PTPRQ: variants seen among roughly 807,000 people sequenced by gnomAD.
PTPRQ encodes phosphatidylinositol phosphatase PTPRQ.
Under a neutral mutation model 246.0 loss-of-function variants are expected in PTPRQ, and 199 were observed. The ratio of observed to expected loss-of-function variants is 0.81; its 90% CI spans 0.72 to 0.91. The LOEUF is 0.91. PTPRQ is among the 40% of genes least tolerant of loss of function. The probability of loss-of-function intolerance (pLI) is 0.00; values close to 1 mark genes in which losing one functional copy is unlikely to be tolerated. For synonymous variants in PTPRQ, 869 were observed against 853.2 expected (o/e 1.02, Z -0.32); for missense variants, 2,624 against 2,528.4 (o/e 1.04, Z -0.81).
intron 17 of PTPRQ, among the ~76,000 whole-genome samples, chr12:80,523,828 G>T (rs1895591991): frequency 6.6e-6 from 1 of 152,190 alleles, no homozygotes; most frequent in Admixed American, 6.5e-5. Context: ...GTGCTGAAAA[G>T]AATGCATATT....
At chr12:80,527,949 G>A (rs1403273681) in intron 17 of PTPRQ, among the ~76,000 whole-genome samples, 1 of 152,054 alleles carries the variant, frequency 6.6e-6, no homozygotes, top group African/African-American at 2.4e-5. Flanking sequence ...AACAGGTATG[G>A]TAACATATGC....
At chr12:80,510,775 G>A (rs951999916) in intron 17 of PTPRQ, among the ~76,000 whole-genome samples, 4 of 152,072 alleles carry the variant, frequency 2.6e-5, no homozygotes, top group Non-Finnish European at 5.9e-5. Context: ...GTACTCTCAT[G>A]TCATTGTCTT....
At chr12:80,512,869 C>G (rs1311290763) in intron 17 of PTPRQ, 1 of 152,050 alleles carries the variant, frequency 6.6e-6, no homozygotes, top group Non-Finnish European at 1.5e-5. Context: ...GAGGGAATCT[C>G]AAATCCGTGA....
At chr12:80,618,360 T>TCACACACACACACA (rs3071377) in intron 30 of PTPRQ, among the ~76,000 whole-genome samples, 34 of 125,640 alleles carry the variant, frequency 2.7e-4, no homozygotes, top group Admixed American at 2.1e-3. Context: ...AGCACTACAT[T>TCACACACACACACA]CACACACACA....
At chr12:80,471,349 A>G (rs940257078) in intron 7 of PTPRQ, among the ~76,000 whole-genome samples, 70 of 152,168 alleles carry the variant, frequency 4.6e-4, no homozygotes, top group African/African-American at 1.4e-3. Flanking sequence ...AGGTAAAGGA[A>G]ACATTTAAAG....
intron 14 of PTPRQ, among the ~76,000 whole-genome samples, 189 bp from the exon 15 acceptor site, chr12:80,505,835 G>A (rs1894938978): frequency 6.6e-6 from 1 of 151,824 alleles, no homozygotes; most frequent in African/African-American, 2.4e-5. Context: ...TCTTTTGAAT[G>A]AAAATTTTTC....
intron 8 of PTPRQ, among the ~76,000 whole-genome samples, chr12:80,481,340 A>T (rs1894047223): frequency 6.6e-6 from 1 of 152,042 alleles, no homozygotes; most frequent in South Asian, 2.1e-4. Flanking sequence ...CATGCTAAAA[A>T]CTCTCAATAA....
At chr12:80,599,885 A>C (rs1396473292) in intron 26 of PTPRQ, among the ~76,000 whole-genome samples, 1 of 151,030 alleles carries the variant, frequency 6.6e-6, no homozygotes, top group African/African-American at 2.4e-5. Context: ...CAGTTATATA[A>C]GTTTACTTTT....
At chr12:80,468,568 CTTTT>C (rs1165819265) in intron 6 of PTPRQ, 138 bp from the exon 7 acceptor site, 2 of 797,304 alleles carry the variant, frequency 2.5e-6, no homozygotes, top group Non-Finnish European at 3.6e-6. Context: ...TCCATTTATT[CTTTT>C]TTAAGATAAA....
Position 80,622,075 on chromosome 12 carries a change from C to A in PTPRQ, c.5627C>A (p.Ala1876Asp). The A allele has an allele frequency of 7.0e-7, 1 of 1,426,026 alleles. No homozygotes were observed. Among genetic ancestry groups the A allele is most frequent in the Non-Finnish European group, 9.2e-7 (1 of 1,081,118 alleles). 88.3% of individuals were successfully genotyped at this position (1,426,026 alleles called of 1,614,324 possible). ...TTATTTTATAGATTTAAATTTAGAG[C>A]TACAAATATTATGGGACAATTTACT... ...PKKQYLFKFR[A>D]TNIMGQFTDS... The change falls in exon 33 of 45, where the codon GCT becomes GAT. Residue 1876 changes from alanine (A) to aspartate (D), a missense_variant. Ala to Asp is a moderately radical substitution (Grantham distance 126). Coordinates refer to ENST00000644991, the MANE Select transcript of PTPRQ (RefSeq NM_001145026.2).
intron 28 of PTPRQ, among the ~76,000 whole-genome samples, chr12:80,612,904 G>A (rs564184760): frequency 6.6e-6 from 1 of 150,630 alleles, no homozygotes; most frequent in African/African-American, 2.4e-5. Context: ...CAAGGCCATT[G>A]TGCTATTGTC....
chr12:80,446,729 TC>T (rs112211776), intron 3 of PTPRQ, among the ~76,000 whole-genome samples: 8,132 of 152,136 alleles, frequency 0.053, 285 homozygotes, highest in Middle Eastern at 0.088. Flanking sequence ...GTTCTCCAGC[TC>T]CATCCATGTT....
intron 6 of PTPRQ, among the ~76,000 whole-genome samples, chr12:80,466,666 T>A (rs1168903361): frequency 2.0e-5 from 3 of 152,120 alleles, no homozygotes; most frequent in Admixed American, 6.5e-5. Flanking sequence ...GAGATATAGA[T>A]CAGTGGAACA....
intron 25 of PTPRQ, among the ~76,000 whole-genome samples, chr12:80,574,605 A>C (rs1359827567): frequency 1.3e-5 from 2 of 152,098 alleles, no homozygotes; most frequent in Non-Finnish European, 2.9e-5. Flanking sequence ...TGGCTTCTCA[A>C]GGGACTGCAA....
rs10732674 is a variant in PTPRQ at position 80,505,865 on chromosome 12, G to A, written c.2273-159G>A. 0.97 allele frequency among the ~76,000 whole-genome samples: 147,892 copies of A among 152,030 alleles called. 72,151 individuals are homozygous for A. The highest frequency in any genetic ancestry group is 0.99 in the African/African-American group (41,317 of 41,530). On this transcript the variant is annotated intron_variant, in intron 14 of 44. Coordinates refer to ENST00000644991, the MANE Select transcript of PTPRQ (RefSeq NM_001145026.2). The stretch of plus-strand genomic sequence containing the variant: ...TTTTTCTTATACAGTTGTAAGAACT[G>A]TAATTTATTTATACTTTACTTCATT...
intron 25 of PTPRQ, among the ~76,000 whole-genome samples, chr12:80,554,000 C>T (rs1342677153): frequency 6.9e-6 from 1 of 143,990 alleles, no homozygotes; most frequent in Non-Finnish European, 1.5e-5. Flanking sequence ...TTGTGGCAGC[C>T]AAAAACTAAA....
chr12:80,473,045 A>ACACACACACG (rs1555185233), intron 8 of PTPRQ, among the ~76,000 whole-genome samples: 10 of 92,388 alleles, frequency 1.1e-4, no homozygotes, highest in African/African-American at 2.7e-4. Flanking sequence ...ACTCACACAC[A>ACACACACACG]CGCACACACA....
At chr12:80,611,404 C>T (rs569746197) in intron 28 of PTPRQ, among the ~76,000 whole-genome samples, 3 of 150,176 alleles carry the variant, frequency 2.0e-5, no homozygotes, top group East Asian at 2.0e-4. Context: ...TAGTTTTTTT[C>T]GTTACATTAT....
At chr12:80,603,419 A>C (rs537353977) in intron 26 of PTPRQ, among the ~76,000 whole-genome samples, 1 of 151,670 alleles carries the variant, frequency 6.6e-6, no homozygotes, top group Non-Finnish European at 1.5e-5. Flanking sequence ...TTAACGTAAC[A>C]ATCAGGTACT....
Sources: allele counts gnomAD v4.1 joint callset (sites outside exome capture counted in the v4.1 genomes callset), GRCh38; gene constraint gnomAD v4.1.1; transcripts MANE v1.5; gene names NCBI Gene and HGNC (gene_info 2026-07-23, HGNC 2026-07-21).